EYS: variants seen among roughly 807,000 people sequenced by gnomAD.
EYS encodes the protein EGF-like photoreceptor maintenance factor.
Under a neutral mutation model 282.1 loss-of-function variants are expected in EYS, and 250 were observed. The ratio of observed to expected loss-of-function variants is 0.89; its 90% CI spans 0.80 to 0.98. The LOEUF (loss-of-function observed/expected upper bound fraction) is 0.98, where lower values mean the gene tolerates loss of function less well. EYS is among the 50% of genes least tolerant of loss of function. The pLI, the probability that EYS is intolerant of heterozygous loss-of-function variation, is 0.00. For synonymous variants in EYS, 1,355 were observed against 1,282.9 expected (o/e 1.06, Z -1.20); for missense variants, 4,016 against 3,709.0 (o/e 1.08, Z -2.15).
At chr6:65,637,087 G>A (rs1245217329) in intron 2 of EYS, among the ~76,000 whole-genome samples, 1 of 152,152 alleles carries the variant, frequency 6.6e-6, no homozygotes, top group Non-Finnish European at 1.5e-5. Context: ...AAGATTAAAG[G>A]CTAAGCTTAA....
intron 12 of EYS, among the ~76,000 whole-genome samples, chr6:65,289,869 A>G (rs562953877): frequency 6.6e-6 from 1 of 151,172 alleles, no homozygotes; most frequent in Non-Finnish European, 1.5e-5. Context: ...AAGAGCAAAA[A>G]TATACCAAAA....
intron 28 of EYS, among the ~76,000 whole-genome samples, chr6:64,411,601 G>T (rs1561980080): frequency 6.6e-6 from 1 of 152,076 alleles, no homozygotes. Context: ...TCAGCACTTT[G>T]TGAGGCTGAG....
At chr6:64,514,638 C>A (rs1480368653) in intron 26 of EYS, among the ~76,000 whole-genome samples, 2 of 151,718 alleles carry the variant, frequency 1.3e-5, no homozygotes, top group Non-Finnish European at 2.9e-5. Flanking sequence ...AAAGTTTTGC[C>A]TTTATCTGGG....
chr6:64,060,459 T>C (rs945103567), intron 33 of EYS, among the ~76,000 whole-genome samples: 1 of 152,254 alleles, frequency 6.6e-6, no homozygotes, highest in South Asian at 2.1e-4. Context: ...ACAAATTAAA[T>C]ATGGGTATTA....
chr6:64,662,709 C>T (rs1204532409), intron 22 of EYS, among the ~76,000 whole-genome samples: 1 of 152,026 alleles, frequency 6.6e-6, no homozygotes, highest in African/African-American at 2.4e-5. Flanking sequence ...TTTTAGGTTC[C>T]AGGTTTTGTA....
intron 22 of EYS, among the ~76,000 whole-genome samples, chr6:64,801,675 GCTAATAGATGTGT>G (rs1764234802): frequency 6.6e-6 from 1 of 151,832 alleles, no homozygotes; most frequent in Non-Finnish European, 1.5e-5. Context: ...AAATGAAAAG[GCTAATAGATGTGT>G]CAGAATTATA....
chr6:65,254,675 T>C (rs903574258), intron 12 of EYS, among the ~76,000 whole-genome samples: 2 of 151,862 alleles, frequency 1.3e-5, no homozygotes, highest in Non-Finnish European at 2.9e-5. Flanking sequence ...CCCAATTTAT[T>C]ACTGTTCAAA....
intron 26 of EYS, among the ~76,000 whole-genome samples, chr6:64,496,760 C>T (rs16895315): frequency 0.012 from 1,881 of 152,008 alleles, 28 homozygotes; most frequent in African/African-American, 0.035. Context: ...ATTCTTTAAA[C>T]TTTGCGGATG....
intron 41 of EYS, among the ~76,000 whole-genome samples, chr6:63,751,447 G>T (rs1201710331): frequency 6.6e-6 from 1 of 152,062 alleles, no homozygotes; most frequent in African/African-American, 2.4e-5. Flanking sequence ...TTGCCTTTTG[G>T]TCTATGGATA....
At chr6:64,753,687 A>C (rs1772839125) in intron 22 of EYS, among the ~76,000 whole-genome samples, 1 of 151,846 alleles carries the variant, frequency 6.6e-6, no homozygotes, top group Non-Finnish European at 1.5e-5. Context: ...CACCACTAAC[A>C]GCACTAGATA....
chr6:64,537,844 A>C (rs1399490305), intron 26 of EYS, among the ~76,000 whole-genome samples: 2 of 152,184 alleles, frequency 1.3e-5, no homozygotes, highest in Non-Finnish European at 2.9e-5. Flanking sequence ...ATATTTTTAA[A>C]AGAATGTTTA....
At chr6:64,790,472 C>T (rs897105789) in intron 22 of EYS, among the ~76,000 whole-genome samples, 1 of 151,882 alleles carries the variant, frequency 6.6e-6, no homozygotes, top group African/African-American at 2.4e-5. Flanking sequence ...AATTAGCAAT[C>T]ACCCGATAAG....
rs561214534 is a variant in EYS at position 65,669,806 on chromosome 6, G to A, written c.-447-29914C>T. On this transcript the variant is annotated intron_variant, in intron 1 of 42. Coordinates refer to ENST00000503581, the MANE Select transcript of EYS (RefSeq NM_001142800.2). ...AACACCCGCACAGTTGGACATATGCGAGTTAACTATGGCTTTGTCACACAG... is the reference window on the plus strand; with the variant it reads ...AACACCCGCACAGTTGGACATATGCAAGTTAACTATGGCTTTGTCACACAG... 1.1e-3 allele frequency among the ~76,000 whole-genome samples: 165 copies of A among 151,972 alleles called. No individual in the cohort carries two copies. In the South Asian group the frequency reaches 0.033, roughly 30 times the overall value.
chr6:64,289,928 T>C (rs180790983), intron 30 of EYS, among the ~76,000 whole-genome samples: 11 of 152,084 alleles, frequency 7.2e-5, no homozygotes, highest in Admixed American at 2.0e-4. Flanking sequence ...AAGTAGGCAG[T>C]CAAATTGGCA....
At chr6:64,175,729 T>C (rs1228748161) in intron 31 of EYS, among the ~76,000 whole-genome samples, 1 of 152,086 alleles carries the variant, frequency 6.6e-6, no homozygotes, top group East Asian at 1.9e-4. Flanking sequence ...GGTCATGCCC[T>C]GTGAAGTTTG....
chr6:63,874,975 C>T (rs755967053), intron 35 of EYS, among the ~76,000 whole-genome samples: 1 of 152,120 alleles, frequency 6.6e-6, no homozygotes, highest in African/African-American at 2.4e-5. Context: ...CTTTCTCCTG[C>T]CTAATTGCCC....
intron 22 of EYS, among the ~76,000 whole-genome samples, chr6:64,778,226 T>C (rs1244805591): frequency 3.9e-5 from 6 of 152,156 alleles, no homozygotes; most frequent in Non-Finnish European, 8.8e-5. Context: ...GTAGTGATCT[T>C]ACCTCTTGTT....
intron 12 of EYS, among the ~76,000 whole-genome samples, chr6:65,065,795 A>G (rs1773727673): frequency 6.6e-6 from 1 of 152,210 alleles, no homozygotes; most frequent in Admixed American, 6.5e-5. Context: ...TTGGCCTTGT[A>G]AATTAATACG....
At chr6:64,660,048 A>G (rs1452721866) in intron 22 of EYS, among the ~76,000 whole-genome samples, 1 of 152,186 alleles carries the variant, frequency 6.6e-6, no homozygotes, top group Admixed American at 6.5e-5. Flanking sequence ...ATGATCAAGC[A>G]GGCTTCATCC....
Sources: allele counts gnomAD v4.1 joint callset (sites outside exome capture counted in the v4.1 genomes callset), GRCh38; gene constraint gnomAD v4.1.1; transcripts MANE v1.5; gene names NCBI Gene and HGNC (gene_info 2026-07-23, HGNC 2026-07-21).